Variants in MCU observed in about 807,000 individuals in gnomAD.
MCU encodes calcium uniporter protein, mitochondrial.
In MCU, 12 loss-of-function variants were observed where a neutral mutation model predicts 45.2. The observed-to-expected ratio is 0.27, with a 90% confidence interval of 0.17 to 0.43. The LOEUF is 0.43. Among genes scored for constraint, MCU ranks in the 20% least tolerant of loss-of-function variants. The pLI is 1.00. For synonymous variants in MCU, 160 were observed against 165.1 expected (o/e 0.97, Z 0.24); for missense variants, 324 against 436.7 (o/e 0.74, Z 2.30).
chr10:72,866,992 C>G (rs1464631872), intron 4 of MCU, among the ~76,000 whole-genome samples: 1 of 150,594 alleles, frequency 6.6e-6, no homozygotes, highest in Admixed American at 6.7e-5. Flanking sequence ...ACATAGATGA[C>G]TTTTGGAACT....
At chr10:72,854,762 A>T (rs1198638068) in intron 2 of MCU, among the ~76,000 whole-genome samples, 4 of 152,180 alleles carry the variant, frequency 2.6e-5, no homozygotes, top group Non-Finnish European at 5.9e-5. Context: ...GCTTATTATA[A>T]ATAAAGTTTG....
At chr10:72,700,003 G>GTTTCAT (rs1229023264) in intron 1 of MCU, among the ~76,000 whole-genome samples, 2 of 150,110 alleles carry the variant, frequency 1.3e-5, no homozygotes, top group Non-Finnish European at 1.5e-5. Flanking sequence ...ACAATTCTTT[G>GTTTCAT]TTTCATTTAA....
intron 1 of MCU, among the ~76,000 whole-genome samples, chr10:72,695,430 C>G (rs928642547): frequency 3.9e-5 from 6 of 152,194 alleles, no homozygotes; most frequent in African/African-American, 9.7e-5. Flanking sequence ...ATGCCAGATT[C>G]ATCCCAGCAC....
intron 4 of MCU, among the ~76,000 whole-genome samples, chr10:72,863,118 C>T (rs1004158860): frequency 6.6e-6 from 1 of 152,092 alleles, no homozygotes; most frequent in Non-Finnish European, 1.5e-5. Context: ...TCACTGTTTG[C>T]CCACTTTCCT....
At chr10:72,739,662 T>C (rs1160880030) in intron 1 of MCU, among the ~76,000 whole-genome samples, 1 of 152,146 alleles carries the variant, frequency 6.6e-6, no homozygotes, top group Non-Finnish European at 1.5e-5. Flanking sequence ...AAAAGTAGGC[T>C]TGGTATATGA....
rs150823488 is a variant in MCU, at chr10:72,844,350, G to A, written c.220+9922G>A. 5.8e-4 allele frequency among the ~76,000 whole-genome samples: 88 copies of A among 152,220 alleles called. No individual in the cohort carries two copies. In the East Asian group the frequency reaches 0.016, roughly 28 times the overall value. ...TGCAGTGAGCCACGATTGTGCCACTGCATTCCAGCCTGGGCAACAGAGCAA... is the reference window on the plus strand; with the variant it reads ...TGCAGTGAGCCACGATTGTGCCACTACATTCCAGCCTGGGCAACAGAGCAA... On this transcript the variant is annotated intron_variant, in intron 2 of 7. Transcript: ENST00000373053.
chr10:72,721,427 C>T (rs1295711426), intron 1 of MCU, among the ~76,000 whole-genome samples: 1 of 152,180 alleles, frequency 6.6e-6, no homozygotes. Flanking sequence ...ATATCGGCTT[C>T]AGCACATCAC....
chr10:72,729,877 A>G (rs1463039807), intron 1 of MCU, among the ~76,000 whole-genome samples: 1 of 151,350 alleles, frequency 6.6e-6, no homozygotes, highest in Non-Finnish European at 1.5e-5. Flanking sequence ...ATAGCCAAAA[A>G]TGTCTTTAGA....
At chr10:72,882,536 G>A (rs1056541214) in intron 6 of MCU, among the ~76,000 whole-genome samples, 3 of 152,108 alleles carry the variant, frequency 2.0e-5, no homozygotes, top group Non-Finnish European at 2.9e-5. Context: ...CGAAACTGTA[G>A]GGATGAAATA....
chr10:72,884,284 G>A lies in MCU; in HGVS notation c.880G>A (p.Ala294Thr), dbSNP rs1229105837. The A allele has an allele frequency of 3.1e-6, 5 of 1,606,302 alleles. No homozygotes were observed. The highest frequency in any genetic ancestry group is 4.3e-6 in the Non-Finnish European group (5 of 1,173,288). Residue 294 changes from alanine (A) to threonine (T), a missense_variant, in exon 7 of 8, where the codon GCC (alanine) becomes ACC (threonine). Coordinates refer to ENST00000373053, the MANE Select transcript of MCU (RefSeq NM_138357.3). Reference sequence around the variant, plus strand: ...TTTTTAGGAATATGTTTATCCAGAAGCCAGAGACAGACAATACTTACTATT... The same window carrying A: ...TTTTTAGGAATATGTTTATCCAGAAACCAGAGACAGACAATACTTACTATT... Reference protein sequence around the residue: ...MTRQEYVYPEARDRQYLLFFH... With the variant: ...MTRQEYVYPETRDRQYLLFFH...
intron 1 of MCU, among the ~76,000 whole-genome samples, chr10:72,741,766 C>A (rs1438064732): frequency 6.6e-6 from 1 of 152,144 alleles, no homozygotes; most frequent in Non-Finnish European, 1.5e-5. Context: ...TGGTGGCTCA[C>A]GCCGGTAATC....
intron 1 of MCU, among the ~76,000 whole-genome samples, chr10:72,709,094 AAGAG>A (rs766037221): frequency 1.3e-4 from 20 of 152,190 alleles, no homozygotes; most frequent in Admixed American, 6.5e-4. Flanking sequence ...GACACTGCAG[AAGAG>A]AGAAAGGAAC....
intron 1 of MCU, among the ~76,000 whole-genome samples, chr10:72,812,007 C>T (rs1844550756): frequency 6.6e-6 from 1 of 151,616 alleles, no homozygotes; most frequent in Admixed American, 6.6e-5. Flanking sequence ...ACTAGATACA[C>T]TTGAAAACAG....
At chr10:72,881,644 T>A (rs1008984239) in intron 6 of MCU, among the ~76,000 whole-genome samples, 12 of 152,222 alleles carry the variant, frequency 7.9e-5, no homozygotes, top group Non-Finnish European at 1.2e-4. Context: ...ATATCCAGAA[T>A]ATATAAACAA....
intron 1 of MCU, among the ~76,000 whole-genome samples, chr10:72,701,135 A>G (rs1431370841): frequency 6.6e-6 from 1 of 152,242 alleles, no homozygotes; most frequent in Non-Finnish European, 1.5e-5. Flanking sequence ...GTTCAGAGAA[A>G]GTTAGTATGA....
At chr10:72,788,002 C>G (rs997662550) in intron 1 of MCU, among the ~76,000 whole-genome samples, 2 of 152,218 alleles carry the variant, frequency 1.3e-5, no homozygotes, top group Non-Finnish European at 1.5e-5. Context: ...CAGGCATGAG[C>G]CACTGCGCCC....
At chr10:72,800,234 G>A (rs1400969418) in intron 1 of MCU, among the ~76,000 whole-genome samples, 1 of 152,182 alleles carries the variant, frequency 6.6e-6, no homozygotes, top group Admixed American at 6.5e-5. Flanking sequence ...CATGGTGGCC[G>A]AGATAGTTGA....
chr10:72,763,122 AT>A (rs1843677937), intron 1 of MCU, among the ~76,000 whole-genome samples: 1 of 152,194 alleles, frequency 6.6e-6, no homozygotes. Flanking sequence ...AATTGATTAA[AT>A]AACTGTGATT....
chr10:72,776,225 C>T (rs954175833), intron 1 of MCU, among the ~76,000 whole-genome samples: 1 of 151,480 alleles, frequency 6.6e-6, no homozygotes, highest in Non-Finnish European at 1.5e-5. Flanking sequence ...TCTATGAGGC[C>T]AGGATTACCC....
Sources: allele counts gnomAD v4.1 joint callset (sites outside exome capture counted in the v4.1 genomes callset), GRCh38; gene constraint gnomAD v4.1.1; transcripts MANE v1.5; gene names NCBI Gene and HGNC (gene_info 2026-07-23, HGNC 2026-07-21).